Variants in NUP93 observed in about 807,000 individuals in gnomAD.
NUP93 encodes the protein nuclear pore complex protein Nup93.
In NUP93, 55 loss-of-function variants were observed where a neutral mutation model predicts 107.8. The observed-to-expected ratio is 0.51, with a 90% CI of 0.41 to 0.64. NUP93 has a LOEUF of 0.64. NUP93 is among the 30% of genes least tolerant of loss of function. The probability of loss-of-function intolerance (pLI) is 0.00; values close to 1 mark genes in which losing one functional copy is unlikely to be tolerated. For missense variants in NUP93, 937 were observed against 1,044.7 expected (o/e 0.90, Z 1.42); for synonymous variants, 390 against 397.5 (o/e 0.98, Z 0.22).
intron 3 of NUP93, among the ~76,000 whole-genome samples, chr16:56,797,500 ATCTG>A (rs1238036025): frequency 3.3e-5 from 5 of 152,296 alleles, no homozygotes; most frequent in South Asian, 2.1e-4. Context: ...CACTCTGTAT[ATCTG>A]TCTGTCTGTC....
At chr16:56,740,827 C>G (rs1381330124) in intron 1 of NUP93, 5 of 177,022 alleles carry the variant, frequency 2.8e-5, no homozygotes, top group African/African-American at 9.5e-5. Context: ...GGCTGGAGAC[C>G]GGCCCGGCCA....
intron 1 of NUP93, among the ~76,000 whole-genome samples, chr16:56,730,762 C>T (rs1961521379): frequency 6.6e-6 from 1 of 152,192 alleles, no homozygotes; most frequent in Non-Finnish European, 1.5e-5. Flanking sequence ...CTTCTCTGTG[C>T]TTACTCCATC....
intron 8 of NUP93, among the ~76,000 whole-genome samples, chr16:56,825,525 A>T (rs1428543228): frequency 6.6e-6 from 1 of 150,542 alleles, no homozygotes; most frequent in Admixed American, 6.6e-5. Flanking sequence ...TTTAATTTTT[A>T]TTTTTTTTCA....
intron 3 of NUP93, among the ~76,000 whole-genome samples, chr16:56,788,047 C>T (rs1379575739): frequency 1.3e-5 from 2 of 152,190 alleles, no homozygotes; most frequent in African/African-American, 4.8e-5. Flanking sequence ...TCTTGCGTCT[C>T]CAAAGTTTAG....
At chr16:56,841,587 T>C in intron 20 of NUP93, 118 bp from the exon 21 acceptor site, 1 of 1,265,852 alleles carries the variant, frequency 7.9e-7, no homozygotes, top group Non-Finnish European at 1.1e-6. Context: ...GCTCTCCACC[T>C]GGCAATGGTG....
chr16:56,834,023 A>C lies in NUP93; in HGVS notation c.1538-105A>C, dbSNP rs190957821. 8 of 1,502,232 alleles carry C rather than the reference A, an allele frequency of 5.3e-6. 1 individual carries two copies. Among genetic ancestry groups the C allele is most frequent in the Middle Eastern group, 4.2e-4 (2 of 4,730 alleles). 93.1% of individuals were successfully genotyped at this position (1,502,232 alleles called of 1,614,324 possible). On this transcript the variant is annotated intron_variant, in intron 13 of 21. Transcript: ENST00000308159. Reference sequence around the variant, plus strand: ...TATTAGCAAACTTTGACTGGGCTGCAGGAGTAGATGCTGCTGGGTCTGTGG... The same window carrying C: ...TATTAGCAAACTTTGACTGGGCTGCCGGAGTAGATGCTGCTGGGTCTGTGG...
intron 4 of NUP93, among the ~76,000 whole-genome samples, chr16:56,804,572 A>T (rs917550270): frequency 2.6e-5 from 4 of 152,180 alleles, no homozygotes; most frequent in African/African-American, 9.7e-5. Context: ...TGATTGCACA[A>T]TAATGAGAAT....
At chr16:56,811,324 T>TAAA (rs1963311158) in intron 5 of NUP93, among the ~76,000 whole-genome samples, 2 of 152,248 alleles carry the variant, frequency 1.3e-5, no homozygotes, top group African/African-American at 4.8e-5. Flanking sequence ...TGGAACCTTG[T>TAAA]GTTTTTATAG....
At chr16:56,807,134 C>A (rs143286681) in intron 5 of NUP93, among the ~76,000 whole-genome samples, 142 of 152,340 alleles carry the variant, frequency 9.3e-4, no homozygotes, top group Middle Eastern at 3.4e-3. Context: ...CCCTGTTGTT[C>A]TTGCTGCACC....
intron 3 of NUP93, among the ~76,000 whole-genome samples, chr16:56,775,923 C>T (rs1003359695): frequency 6.6e-6 from 1 of 152,130 alleles, no homozygotes; most frequent in East Asian, 1.9e-4. Flanking sequence ...ACCAGTAACC[C>T]ACAGGTCATC....
chr16:56,808,503 T>A lies in NUP93; in HGVS notation c.489+2871T>A, dbSNP rs568810543. Among the ~76,000 whole-genome samples, 100 of 114,912 alleles carry A rather than the reference T, an allele frequency of 8.7e-4. 8 individuals are homozygous for A. Among genetic ancestry groups the A allele is most frequent in the Admixed American group, 3.8e-3 (36 of 9,574 alleles). 75.4% of individuals were successfully genotyped at this position (114,912 alleles called of 152,430 possible). The stretch of plus-strand genomic sequence containing the variant: ...ATATATAGTTATGTAACTATATAAA[T>A]ATATAGTTATGTAACTATATATAAA... On this transcript the variant is annotated intron_variant, in intron 5 of 21. Transcript: ENST00000308159.
intron 4 of NUP93, among the ~76,000 whole-genome samples, chr16:56,804,751 A>G (rs1311220381): frequency 6.6e-6 from 1 of 151,910 alleles, no homozygotes; most frequent in Non-Finnish European, 1.5e-5. Flanking sequence ...TCTAGTAAAA[A>G]TATAATTAGC....
In NUP93 at chr16:56,831,729, G is replaced by A. The variant is rs1963790138; in HGVS notation, c.1086-113G>A. On this transcript the variant is annotated intron_variant, in intron 10 of 21. Transcript: ENST00000308159. ...GGGCAGAGACAGTGTCTCTTACCCC[G>A]GATGAAGGAAGGCTTCCCTGCTTTT... 43 of 1,077,510 alleles carry A rather than the reference G, an allele frequency of 4.0e-5. 1 individual carries two copies. Among genetic ancestry groups the A allele is most frequent in the Admixed American group, 9.4e-5 (4 of 42,440 alleles). 66.7% of individuals were successfully genotyped at this position (1,077,510 alleles called of 1,614,324 possible). A position where few individuals can be genotyped will look rare whatever the true frequency, so the allele number is the denominator to read the frequency against.
At chr16:56,753,973 ATTT>A (rs568049501) in intron 2 of NUP93, among the ~76,000 whole-genome samples, 1 of 146,612 alleles carries the variant, frequency 6.8e-6, no homozygotes, top group East Asian at 2.0e-4. Flanking sequence ...TACTATTTTA[ATTT>A]TTTTTTTTTT....
At chr16:56,742,739 T>C (rs759030779) in intron 1 of NUP93, among the ~76,000 whole-genome samples, 6 of 152,250 alleles carry the variant, frequency 3.9e-5, no homozygotes, top group Non-Finnish European at 7.3e-5. Context: ...CTTTTCCCTT[T>C]GTAGCTTTGG....
At position 56,749,992 on chromosome 16, in the gene NUP93, G is replaced by C. The variant is rs566204345; in HGVS notation, c.179+1566G>C. Among the ~76,000 whole-genome samples the C allele has an allele frequency of 3.9e-5, 6 of 152,324 alleles. No individual in the cohort carries two copies. In the East Asian group the frequency reaches 9.6e-4, roughly 24 times the overall value. ...GCTGCCTGCAGTTACCCCCAGTCTT[G>C]AGCATGCAGGCTCTGTGCTGTATGC... On this transcript the variant is annotated intron_variant, in intron 2 of 21. Coordinates refer to ENST00000308159, the MANE Select transcript of NUP93 (RefSeq NM_014669.5).
chr16:56,777,041 C>A (rs994952487), intron 3 of NUP93, among the ~76,000 whole-genome samples: 1 of 151,638 alleles, frequency 6.6e-6, no homozygotes, highest in East Asian at 1.9e-4. Flanking sequence ...TGTGCACGCA[C>A]GTGTGTGTGT....
chr16:56,818,010 T>C (rs899279764), intron 5 of NUP93, among the ~76,000 whole-genome samples: 1 of 152,214 alleles, frequency 6.6e-6, no homozygotes, highest in South Asian at 2.1e-4. Flanking sequence ...CACTCTCCTC[T>C]TCAGATTGTA....
intron 2 of NUP93, among the ~76,000 whole-genome samples, chr16:56,749,090 C>T (rs1961872307): frequency 6.6e-6 from 1 of 152,114 alleles, no homozygotes; most frequent in South Asian, 2.1e-4. Context: ...ATTCCACAAA[C>T]GTGTTTAAGG....
Sources: gnomAD v4.1 joint callset for allele counts (sites outside exome capture counted in the v4.1 genomes callset) on GRCh38, gnomAD v4.1.1 for gene constraint, MANE v1.5 for transcripts, NCBI Gene and HGNC (gene_info 2026-07-23, HGNC 2026-07-21) for gene names.